Variants in MPP3 observed in about 807,000 individuals in gnomAD.
The protein encoded by MPP3 is MAGUK p55 scaffold protein 3, also known as MAGUK p55 subfamily member 3.
MPP3 carries 48 observed loss-of-function variants against 80.7 expected under a neutral mutation model. The ratio of observed to expected loss-of-function variants is 0.59; its 90% CI spans 0.47 to 0.76. The LOEUF (loss-of-function observed/expected upper bound fraction) is 0.76. Among genes scored for constraint, MPP3 ranks in the 30% least tolerant of loss-of-function variants. The pLI, the probability that MPP3 is intolerant of heterozygous loss-of-function variation, is 0.00. For synonymous variants in MPP3, 311 were observed against 297.6 expected (o/e 1.04, Z -0.46); for missense variants, 620 against 763.0 (o/e 0.81, Z 2.21).
chr17:43,831,499 C>T, intron 4 of MPP3, 60 bp downstream of exon 4: 1 of 1,414,264 alleles, frequency 7.1e-7, no homozygotes, highest in Non-Finnish European at 9.9e-7. Context: ...CCTCAGACGG[C>T]CACAGACAGC....
chr17:43,807,032 C>T lies in MPP3; in HGVS notation c.1581+1924G>A, dbSNP rs192685120. Among the ~76,000 whole-genome samples the T allele has an allele frequency of 4.1e-3, 620 of 151,528 alleles. 8 individuals are homozygous for T. Among genetic ancestry groups the T allele is most frequent in the African/African-American group, 0.014 (587 of 41,290 alleles). On this transcript the variant is annotated intron_variant, in intron 19 of 19. Transcript: ENST00000398389. ...TGTCACCCAGGCTAGAGTGCAGTGG[C>T]GTGATTTTGGCTCACTGCAGGCTCT... is the stretch of plus-strand genomic sequence containing the variant.
intron 16 of MPP3, among the ~76,000 whole-genome samples, chr17:43,813,035 T>A (rs1413035431): frequency 1.3e-5 from 2 of 152,078 alleles, no homozygotes; most frequent in Non-Finnish European, 2.9e-5. Context: ...CCCAGAACAC[T>A]CTGAGGAGGC....
chr17:43,803,401 TGAACTCCTTTCCTGGCCTGTAACGATG>T (rs1227425574), intron 19 of MPP3, among the ~76,000 whole-genome samples: 2 of 152,192 alleles, frequency 1.3e-5, no homozygotes, highest in African/African-American at 4.8e-5. Flanking sequence ...ATAAATCCCC[TGAACTCCTTTCCTGGCCTGTAACGATG>T]GAACTCGCCC....
intron 7 of MPP3, 55 bp from the exon 8 acceptor site, chr17:43,827,887 C>G: frequency 6.4e-7 from 1 of 1,557,436 alleles, no homozygotes; most frequent in Non-Finnish European, 8.8e-7. Flanking sequence ...AACCTCAGAC[C>G]CCTACTCTCT....
chr17:43,809,636 T>C (rs1023692822), intron 18 of MPP3, among the ~76,000 whole-genome samples: 1 of 152,078 alleles, frequency 6.6e-6, no homozygotes, highest in Non-Finnish European at 1.5e-5. Context: ...TCCCAGCACT[T>C]TGGGAGGCCG....
In MPP3 at chr17:43,809,088, A is replaced by T. The variant is rs2044736572; in HGVS notation, c.1459-10T>A. Reference sequence around the variant, plus strand: ...TCAGTTGTTTCAGTGCCTGAGAAAGAAAGTTCAGGAATATTATATACTTTT... The same window carrying T: ...TCAGTTGTTTCAGTGCCTGAGAAAGTAAGTTCAGGAATATTATATACTTTT... On this transcript the variant is annotated splice_polypyrimidine_tract_variant and intron_variant, in intron 18 of 19. Transcript: ENST00000398389. 6.3e-7 allele frequency: 1 copy of T among 1,578,384 alleles called. No individual in the cohort carries two copies. The highest frequency in any genetic ancestry group is 8.5e-7 in the Non-Finnish European group (1 of 1,170,600).
chr17:43,822,627 C>T (rs35588491), intron 10 of MPP3, among the ~76,000 whole-genome samples: 1 of 126,350 alleles, frequency 7.9e-6, no homozygotes, highest in African/African-American at 3.2e-5. Context: ...CTCCCCGTGG[C>T]TGCCTCACGG....
intron 2 of MPP3, among the ~76,000 whole-genome samples, chr17:43,832,502 G>A (rs886068438): frequency 7.2e-5 from 11 of 152,196 alleles, no homozygotes; most frequent in African/African-American, 1.2e-4. Context: ...CAGAGAGGAG[G>A]GGGGGAAATG....
intron 16 of MPP3, among the ~76,000 whole-genome samples, chr17:43,813,705 C>A (rs900072732): frequency 2.6e-5 from 4 of 152,268 alleles, no homozygotes; most frequent in Admixed American, 2.0e-4. Flanking sequence ...ATGCCCCCTA[C>A]TGTGGGGGCC....
At chr17:43,804,989 G>C (rs906121684) in intron 19 of MPP3, among the ~76,000 whole-genome samples, 1 of 152,134 alleles carries the variant, frequency 6.6e-6, no homozygotes, top group East Asian at 1.9e-4. Flanking sequence ...TTGCGCTCCA[G>C]CCTGGGCAAC....
chr17:43,802,470 CA>C (rs1179322429), intron 19 of MPP3, among the ~76,000 whole-genome samples: 1 of 152,188 alleles, frequency 6.6e-6, no homozygotes, highest in Non-Finnish European at 1.5e-5. Context: ...TTTAAGAAAG[CA>C]CTGGACAATT....
chr17:43,810,106 G>A (rs1274079466), intron 18 of MPP3, among the ~76,000 whole-genome samples: 4 of 152,184 alleles, frequency 2.6e-5, no homozygotes, highest in Middle Eastern at 3.4e-3. Flanking sequence ...TAGGCATAAC[G>A]TGCTTTTTGG....
At position 43,820,993 on chromosome 17, in the gene MPP3, C is replaced by T. The variant is rs368181266; in HGVS notation, c.750G>A (p.Ala250=). 126 of 1,613,984 alleles carry T rather than the reference C, an allele frequency of 7.8e-5. 1 individual carries two copies. Among genetic ancestry groups the T allele is most frequent in the Non-Finnish European group, 3.9e-5 (46 of 1,179,988 alleles). ...CCTGCCTGCGCTGGAAGGGCAGGCC[C>T]GCCTCCTGGCAAGGGATGGCCCGGT... ...REDRAIPCQE[A]GLPFQRRQVL... Residue 250 remains alanine (A), a synonymous_variant, in exon 11 of 20, where the codon GCG becomes GCA. Transcript: ENST00000398389.
intron 14 of MPP3, 47 bp from the exon 15 acceptor site, chr17:43,814,408 C>A: frequency 6.5e-7 from 1 of 1,542,152 alleles, no homozygotes; most frequent in Non-Finnish European, 8.7e-7. Context: ...TCCCAGTTGT[C>A]CCAGGATCTC....
chr17:43,823,194 A>G (rs1464800606), intron 10 of MPP3, among the ~76,000 whole-genome samples: 1 of 152,154 alleles, frequency 6.6e-6, no homozygotes, highest in East Asian at 1.9e-4. Flanking sequence ...AGCAAGGATT[A>G]TGCCAAAACC....
chr17:43,828,957 G>A (rs781723546), intron 7 of MPP3, among the ~76,000 whole-genome samples: 28 of 152,220 alleles, frequency 1.8e-4, no homozygotes, highest in Non-Finnish European at 3.7e-4. Flanking sequence ...TGCAGAAGAG[G>A]CTCGTCGGAG....
At chr17:43,827,423 G>A (rs2045764653) in intron 8 of MPP3, among the ~76,000 whole-genome samples, 1 of 150,474 alleles carries the variant, frequency 6.6e-6, no homozygotes, top group Admixed American at 6.6e-5. Flanking sequence ...CGCCTCCCAG[G>A]TTTGTGTGTT....
chr17:43,803,536 C>T (rs1335513503), intron 19 of MPP3, among the ~76,000 whole-genome samples: 3 of 152,104 alleles, frequency 2.0e-5, no homozygotes, highest in Non-Finnish European at 4.4e-5. Context: ...TTTGCCGGGT[C>T]AGAAGCCAGA....
At chr17:43,817,912 C>G in intron 12 of MPP3, 134 bp downstream of exon 12, 1 of 379,674 alleles carries the variant, frequency 2.6e-6, no homozygotes, top group Non-Finnish European at 4.8e-6. Flanking sequence ...CCCCCTCCTT[C>G]CTCTGGAGTC....
Sources: allele counts gnomAD v4.1 joint callset (sites outside exome capture counted in the v4.1 genomes callset), GRCh38; gene constraint gnomAD v4.1.1; transcripts MANE v1.5; gene names NCBI Gene and HGNC (gene_info 2026-07-23, HGNC 2026-07-21).